The following MAGI2 variants were observed in gnomAD, a reference collection of about 807,000 sequenced individuals.
MAGI2 encodes membrane associated guanylate kinase, WW and PDZ domain containing 2.
A neutral mutation model predicts 133.3 loss-of-function variants in MAGI2; 35 were observed. That is an observed-to-expected ratio of 0.26 (90% CI 0.20 to 0.35). MAGI2 has a LOEUF of 0.35. Among genes scored for constraint, MAGI2 ranks in the 10% least tolerant of loss-of-function variants. The probability of loss-of-function intolerance (pLI) is 1.00; values close to 1 mark genes in which losing one functional copy is unlikely to be tolerated. For synonymous variants in MAGI2, 729 were observed against 710.6 expected (o/e 1.03, Z -0.41); for missense variants, 1,636 against 1,863.4 (o/e 0.88, Z 2.25).
At chr7:78,500,023 G>A (rs1794478178) in intron 5 of MAGI2, among the ~76,000 whole-genome samples, 4 of 152,162 alleles carry the variant, frequency 2.6e-5, no homozygotes, top group Admixed American at 2.6e-4. Context: ...AATAATGTAA[G>A]AGATTCTTAT....
At chr7:79,417,680 G>T (rs6970833) in intron 1 of MAGI2, among the ~76,000 whole-genome samples, 37,562 of 151,546 alleles carry the variant, frequency 0.25, 6,648 homozygotes, top group African/African-American at 0.51. Context: ...TGTGATCCTG[G>T]AGTAGGTGCT....
intron 6 of MAGI2, among the ~76,000 whole-genome samples, chr7:78,421,012 T>A (rs1307516638): frequency 6.6e-6 from 1 of 152,120 alleles, no homozygotes; most frequent in Non-Finnish European, 1.5e-5. Flanking sequence ...TGGACATAAA[T>A]AAATCACTAG....
Position 78,086,927 on chromosome 7 carries a change from C to T in MAGI2, c.3568-7842G>A, listed in dbSNP as rs557981392. Among the ~76,000 whole-genome samples the T allele has an allele frequency of 5.9e-5, 9 of 152,302 alleles. 1 individual carries two copies. The South Asian group carries it at 8.3e-4, about 14-fold the overall frequency. ...CTACGATTACAGGCGTGAGCTACTG[C>T]GTCTGGCCCTTCCTACCTTTCTAAG... is the stretch of plus-strand genomic sequence containing the variant. On this transcript the variant is annotated intron_variant, in intron 20 of 21. Coordinates refer to ENST00000354212, the MANE Select transcript of MAGI2 (RefSeq NM_012301.4).
At chr7:78,897,126 T>C (rs774436909) in intron 2 of MAGI2, among the ~76,000 whole-genome samples, 41 of 152,212 alleles carry the variant, frequency 2.7e-4, no homozygotes, top group Non-Finnish European at 5.6e-4. Context: ...AATGGAACTC[T>C]CTAGTTTTAG....
At chr7:78,839,798 T>A (rs917272355) in intron 2 of MAGI2, among the ~76,000 whole-genome samples, 6 of 152,062 alleles carry the variant, frequency 3.9e-5, no homozygotes, top group Non-Finnish European at 7.4e-5. Context: ...TATAGTCAAC[T>A]AAAATCTATG....
At chr7:78,490,155 T>TATTGTAC in intron 5 of MAGI2, 1 of 371,202 alleles carries the variant, frequency 2.7e-6, no homozygotes, top group South Asian at 1.1e-4. Context: ...GATTCTCCAG[T>TATTGTAC]TGGAAGAGCA....
intron 1 of MAGI2, among the ~76,000 whole-genome samples, chr7:79,388,780 T>A (rs1335175218): frequency 6.6e-6 from 1 of 151,108 alleles, no homozygotes; most frequent in Non-Finnish European, 1.5e-5. Context: ...AAAAAGGCAG[T>A]TTTCAATATA....
intron 21 of MAGI2, among the ~76,000 whole-genome samples, chr7:78,048,857 C>T (rs1427160498): frequency 6.6e-6 from 1 of 152,158 alleles, no homozygotes; most frequent in African/African-American, 2.4e-5. Context: ...GCCTGTAATC[C>T]CAGCACTTTG....
At chr7:78,984,558 T>G (rs929532757) in intron 2 of MAGI2, among the ~76,000 whole-genome samples, 1 of 151,942 alleles carries the variant, frequency 6.6e-6, no homozygotes, top group Non-Finnish European at 1.5e-5. Flanking sequence ...TTCTGTCCAC[T>G]CTGTTTAGAA....
chr7:78,822,147 A>G (rs760014824), intron 2 of MAGI2, among the ~76,000 whole-genome samples: 5 of 152,008 alleles, frequency 3.3e-5, no homozygotes, highest in Non-Finnish European at 7.4e-5. Context: ...ATCGATTCCC[A>G]TGGTTTTGCT....
In MAGI2 at chr7:78,521,649, C is replaced by G. The variant is rs372292060; in HGVS notation, c.539-4G>C. On this transcript the variant is annotated splice_region_variant and splice_polypyrimidine_tract_variant and intron_variant, in intron 3 of 21. Transcript: ENST00000354212. ...TTTGGGGTACCGTAGTAATTGTCTG[C>G]AAACAATACCAAAACATTCTTGGAG... 9 of 1,610,506 alleles carry G rather than the reference C, an allele frequency of 5.6e-6. No individual in the cohort carries two copies. In the African/African-American group the frequency reaches 1.2e-4, roughly 22 times the overall value.
At chr7:79,087,628 G>A (rs527509761) in intron 1 of MAGI2, among the ~76,000 whole-genome samples, 4 of 151,998 alleles carry the variant, frequency 2.6e-5, no homozygotes, top group Non-Finnish European at 5.9e-5. Flanking sequence ...TATGGTTTTA[G>A]GTCCTACGTT....
intron 11 of MAGI2, among the ~76,000 whole-genome samples, chr7:78,197,316 T>C (rs1157373462): frequency 6.6e-6 from 1 of 152,186 alleles, no homozygotes; most frequent in Non-Finnish European, 1.5e-5. Flanking sequence ...TGTTTTCAAA[T>C]ATAAGATACT....
At chr7:78,606,837 CTTTA>C (rs1255807896) in intron 3 of MAGI2, among the ~76,000 whole-genome samples, 11 of 22,990 alleles carry the variant, frequency 4.8e-4, no homozygotes, top group African/African-American at 1.5e-3. Flanking sequence ...CCACAATTTT[CTTTA>C]TGTTTTCTGC....
At chr7:79,337,669 A>G (rs1489908805) in intron 1 of MAGI2, among the ~76,000 whole-genome samples, 1 of 152,136 alleles carries the variant, frequency 6.6e-6, no homozygotes, top group East Asian at 1.9e-4. Flanking sequence ...TTAAAAAAAT[A>G]CAATAGTGAG....
chr7:78,806,367 G>C (rs1421424740), intron 2 of MAGI2, among the ~76,000 whole-genome samples: 1 of 152,022 alleles, frequency 6.6e-6, no homozygotes, highest in Non-Finnish European at 1.5e-5. Context: ...AGAAATGGCT[G>C]ATATATTAAA....
chr7:78,114,485 G>A (rs1240008775), intron 20 of MAGI2, among the ~76,000 whole-genome samples: 1 of 152,196 alleles, frequency 6.6e-6, no homozygotes, highest in Non-Finnish European at 1.5e-5. Context: ...TGTATGCCAT[G>A]CCATTCAATC....
chr7:78,758,588 A>G (rs777680175), intron 2 of MAGI2, among the ~76,000 whole-genome samples: 14 of 152,220 alleles, frequency 9.2e-5, no homozygotes, highest in Non-Finnish European at 2.1e-4. Flanking sequence ...TCACATGCAC[A>G]TCTGTGTGAG....
chr7:79,155,317 A>C (rs1026109595), intron 1 of MAGI2, among the ~76,000 whole-genome samples: 4 of 152,190 alleles, frequency 2.6e-5, no homozygotes, highest in African/African-American at 4.8e-5. Flanking sequence ...GTATTTGCTC[A>C]GTATATTTTA....
Sources: gnomAD v4.1 joint callset for allele counts (sites outside exome capture counted in the v4.1 genomes callset) on GRCh38, gnomAD v4.1.1 for gene constraint, MANE v1.5 for transcripts, NCBI Gene and HGNC (gene_info 2026-07-23, HGNC 2026-07-21) for gene names.